RPS23: variants seen among roughly 807,000 people sequenced by gnomAD.
The protein encoded by RPS23 is small ribosomal subunit protein uS12.
For missense variants in RPS23, 73 were observed against 174.5 expected (o/e 0.42, Z 3.28); for synonymous variants, 66 against 60.4 (o/e 1.09, Z -0.43).
In RPS23 at chr5:82,274,508, G is replaced by T. The variant is rs1176300202; in HGVS notation, c.*1601C>A. ...CGTATCAGAGAAGGCAGGTAACCAGGCCACATCCCTGGGCGCCCGCGCTGT... is the reference window on the plus strand; with the variant it reads ...CGTATCAGAGAAGGCAGGTAACCAGTCCACATCCCTGGGCGCCCGCGCTGT... On this transcript the variant is annotated 3_prime_UTR_variant, in exon 4 of 4. Transcript: ENST00000296674. 2 of 152,488 alleles carry T rather than the reference G, an allele frequency of 1.3e-5. No homozygotes were observed. The highest frequency in any genetic ancestry group is 2.9e-5 in the Non-Finnish European group (2 of 68,266). The allele number at this position is 152,488 out of a possible 1,614,324, so 9.4% of individuals were successfully genotyped here.
chr5:82,275,839 C>A lies in RPS23; in HGVS notation c.*270G>T. 1 of 424,128 alleles carries A rather than the reference C, an allele frequency of 2.4e-6. No homozygotes were observed. The highest frequency in any genetic ancestry group is 4.2e-6 in the Non-Finnish European group (1 of 239,130). The allele number at this position is 424,128 out of a possible 1,614,324, so 26.3% of individuals were successfully genotyped here. On this transcript the variant is annotated 3_prime_UTR_variant, in exon 4 of 4. Transcript: ENST00000296674. ...AATACTACAATACTGCACATTTATT[C>A]CAGATCTATCCCATTTTCTTATTCC...
intron 1 of RPS23, 42 bp from the exon 2 acceptor site, chr5:82,277,894 TC>T (rs1747951718): frequency 1.3e-6 from 2 of 1,549,312 alleles, no homozygotes; most frequent in African/African-American, 2.7e-5. Context: ...AAACACGCCA[TC>T]TACGTGTTTC....
chr5:82,275,993 A>G lies in RPS23; in HGVS notation c.*116T>C. 1 of 971,238 alleles carries G rather than the reference A, an allele frequency of 1.0e-6. No homozygotes were observed. Among genetic ancestry groups the G allele is most frequent in the Non-Finnish European group, 1.5e-6 (1 of 649,738 alleles). The allele number at this position is 971,238 out of a possible 1,614,324, so 60.2% of individuals were successfully genotyped here. Reference sequence around the variant, plus strand: ...TTGCTGGTTTAGGATAAAAAAAATAAGGGGGGGTGGTGGTGGTAATGAACA... The same window carrying G: ...TTGCTGGTTTAGGATAAAAAAAATAGGGGGGGGTGGTGGTGGTAATGAACA... On this transcript the variant is annotated 3_prime_UTR_variant, in exon 4 of 4. Coordinates refer to ENST00000296674, the MANE Select transcript of RPS23 (RefSeq NM_001025.5).
intron 2 of RPS23, chr5:82,277,439 C>T (rs1298913356): frequency 3.8e-5 from 19 of 498,408 alleles, no homozygotes; most frequent in Admixed American, 6.7e-5. Context: ...GTGTTTGTGT[C>T]CTTTACTTCA....
At position 82,274,362 on chromosome 5, in the gene RPS23, G is replaced by A. The variant is rs1747721483; in HGVS notation, c.*1747C>T. 1 of 152,470 alleles carries A rather than the reference G, an allele frequency of 6.6e-6. No homozygotes were observed. The highest frequency in any genetic ancestry group is 1.5e-5 in the Non-Finnish European group (1 of 68,278). 9.4% of individuals were successfully genotyped at this position (152,470 alleles called of 1,614,324 possible). ...CAGCTTCTGGATCTGAGGCGCCGGAGATTATTTATGGGTCAATCTGGCAGC... is the reference window on the plus strand; with the variant it reads ...CAGCTTCTGGATCTGAGGCGCCGGAAATTATTTATGGGTCAATCTGGCAGC... On this transcript the variant is annotated 3_prime_UTR_variant, in exon 4 of 4. Coordinates refer to ENST00000296674, the MANE Select transcript of RPS23 (RefSeq NM_001025.5).
chr5:82,277,178 C>T (rs1487221119), intron 2 of RPS23, among the ~76,000 whole-genome samples: 4 of 82,424 alleles, frequency 4.9e-5, no homozygotes, highest in Middle Eastern at 0.015. Flanking sequence ...TAGACTGTCT[C>T]AAAAAAAAAA....
chr5:82,278,037 G>A (rs1241817618), intron 1 of RPS23, 185 bp from the exon 2 acceptor site: 6 of 659,424 alleles, frequency 9.1e-6, no homozygotes, highest in Non-Finnish European at 1.6e-5. Context: ...GTTCGAAGAG[G>A]GCTCCGGAGA....
chr5:82,277,455 G>A (rs948940593), intron 2 of RPS23: 3 of 532,122 alleles, frequency 5.6e-6, no homozygotes, highest in Admixed American at 3.2e-5. Flanking sequence ...CTTCATCATT[G>A]CTAGTATCTT....
intron 1 of RPS23, 121 bp from the exon 2 acceptor site, chr5:82,277,973 T>G (rs1243032141): frequency 5.4e-6 from 5 of 920,660 alleles, no homozygotes; most frequent in Non-Finnish European, 8.2e-6. Flanking sequence ...TACTATTTAT[T>G]GGCCTGTGGG....
At chr5:82,276,985 G>A (rs1398255337) in intron 2 of RPS23, 3 of 163,908 alleles carry the variant, frequency 1.8e-5, no homozygotes, top group Non-Finnish European at 4.0e-5. Flanking sequence ...AGGAGTTTGA[G>A]ACTAGCCTGG....
Position 82,276,383 on chromosome 5 carries a change from A to G in RPS23, c.285+15T>C. 6.2e-7 allele frequency: 1 copy of G among 1,613,980 alleles called. No individual in the cohort carries two copies. Among genetic ancestry groups the G allele is most frequent in the Non-Finnish European group, 8.5e-7 (1 of 1,179,870 alleles). ...ACCCCAAGAACAGAAGGTACGATAG[A>G]GTTGAAATACTCACCTCAATAAAGT... On this transcript the variant is annotated intron_variant, in intron 3 of 3. Transcript: ENST00000296674.
At position 82,275,857 on chromosome 5, in the gene RPS23, C is replaced by T. The variant is rs756523782; in HGVS notation, c.*252G>A. 7 of 457,636 alleles carry T rather than the reference C, an allele frequency of 1.5e-5. No homozygotes were observed. The highest frequency in any genetic ancestry group is 2.7e-5 in the Non-Finnish European group (7 of 258,258). 28.3% of individuals were successfully genotyped at this position (457,636 alleles called of 1,614,324 possible). A position where few individuals can be genotyped will look rare whatever the true frequency, so the allele number is the denominator to read the frequency against. On this transcript the variant is annotated 3_prime_UTR_variant, in exon 4 of 4. Transcript: ENST00000296674. ...ATTTATTCCAGATCTATCCCATTTT[C>T]TTATTCCACAGGATGAGGGAAACTG... is the stretch of plus-strand genomic sequence containing the variant.
At position 82,274,974 on chromosome 5, in the gene RPS23, G is replaced by A. The variant is rs1430948731; in HGVS notation, c.*1135C>T. 2.0e-6 allele frequency: 1 copy of A among 493,046 alleles called. No individual in the cohort carries two copies. Among genetic ancestry groups the A allele is most frequent in the Non-Finnish European group, 3.6e-6 (1 of 275,486 alleles). The allele number at this position is 493,046 out of a possible 1,614,324, so 30.5% of individuals were successfully genotyped here. Reference sequence around the variant, plus strand: ...TCCTGAGGCTGGATATGGAACCCAAGTTTGAGGATGACCAACTGAGACCAG... The same window carrying A: ...TCCTGAGGCTGGATATGGAACCCAAATTTGAGGATGACCAACTGAGACCAG... On this transcript the variant is annotated 3_prime_UTR_variant, in exon 4 of 4. Coordinates refer to ENST00000296674, the MANE Select transcript of RPS23 (RefSeq NM_001025.5).
Position 82,275,035 on chromosome 5 carries a change from G to A in RPS23, c.*1074C>T. On this transcript the variant is annotated 3_prime_UTR_variant, in exon 4 of 4. Transcript: ENST00000296674. ...GCACAAAGTGCCAAGGAGAGAAATGGCAGGCTAAGGCTGGAATATGCAGGT... is the reference window on the plus strand; with the variant it reads ...GCACAAAGTGCCAAGGAGAGAAATGACAGGCTAAGGCTGGAATATGCAGGT... The A allele has an allele frequency of 1.8e-6, 1 of 571,136 alleles. No individual in the cohort carries two copies. Among genetic ancestry groups the A allele is most frequent in the Non-Finnish European group, 3.1e-6 (1 of 320,798 alleles). The allele number at this position is 571,136 out of a possible 1,614,324, so 35.4% of individuals were successfully genotyped here.
At chr5:82,277,670 C>G (rs1452145415) in intron 2 of RPS23, 23 bp downstream of exon 2, 2 of 1,611,764 alleles carry the variant, frequency 1.2e-6, no homozygotes, top group Non-Finnish European at 1.7e-6. Context: ...TAAACTAAAA[C>G]TTGACGGGAG....
intron 1 of RPS23, 163 bp downstream of exon 1, chr5:82,278,157 C>T: frequency 1.0e-6 from 1 of 953,386 alleles, no homozygotes; most frequent in Non-Finnish European, 1.6e-6. Flanking sequence ...TCATGGGCCC[C>T]TTCCGCGCCG....
intron 1 of RPS23, 149 bp from the exon 2 acceptor site, chr5:82,278,001 A>G: frequency 2.6e-6 from 2 of 759,142 alleles, no homozygotes; most frequent in Non-Finnish European, 4.2e-6. Flanking sequence ...TTTGGCCTTC[A>G]AGTTGCCCTG....
At chr5:82,277,269 T>G (rs1397726912) in intron 2 of RPS23, 1 of 206,100 alleles carries the variant, frequency 4.9e-6, no homozygotes, top group East Asian at 1.7e-4. Flanking sequence ...TTTTAAAAAG[T>G]CAAAACCAGT....
rs1460132024 is a variant in RPS23 at position 82,275,955 on chromosome 5, A to C, written c.*154T>G. On this transcript the variant is annotated 3_prime_UTR_variant, in exon 4 of 4. Coordinates refer to ENST00000296674, the MANE Select transcript of RPS23 (RefSeq NM_001025.5). ...TGTCTTATTGTCTCCTAAAATTGGT[A>C]CAGGTCCTGCGTTTGCTGGTTTAGG... is the stretch of plus-strand genomic sequence containing the variant. 2 of 665,862 alleles carry C rather than the reference A, an allele frequency of 3.0e-6. No homozygotes were observed. Among genetic ancestry groups the C allele is most frequent in the Non-Finnish European group, 2.6e-6 (1 of 387,156 alleles). The allele number at this position is 665,862 out of a possible 1,614,324, so 41.2% of individuals were successfully genotyped here.
Sources: allele counts gnomAD v4.1 joint callset (sites outside exome capture counted in the v4.1 genomes callset), GRCh38; gene constraint gnomAD v4.1.1; transcripts MANE v1.5; gene names NCBI Gene and HGNC (gene_info 2026-07-23, HGNC 2026-07-21).